The following TRPM4 variants were observed in gnomAD, a reference collection of about 807,000 sequenced individuals.
The protein encoded by TRPM4 is transient receptor potential cation channel subfamily M member 4, also known as calcium-activated non-selective cation channel 1.
In TRPM4, 124 loss-of-function variants were observed where a neutral mutation model predicts 135.6. The observed-to-expected ratio is 0.91, with a 90% CI of 0.79 to 1.06. TRPM4 has a LOEUF of 1.06. TRPM4 is among the 50% of genes least tolerant of loss of function. TRPM4 has a pLI of 0.00. For synonymous variants in TRPM4, 745 were observed against 705.6 expected (o/e 1.06, Z -0.88); for missense variants, 1,658 against 1,671.4 (o/e 0.99, Z 0.14).
At chr19:49,182,498 A>ATCCATCCG in intron 10 of TRPM4, 80 bp from the exon 11 acceptor site, 4 of 947,628 alleles carry the variant, frequency 4.2e-6, no homozygotes, top group Admixed American at 4.0e-5. Flanking sequence ...CCATCCATCC[A>ATCCATCCG]TCCGTCCCTC....
chr19:49,171,029 A>G lies in TRPM4; in HGVS notation c.797-328A>G, dbSNP rs377247359. On this transcript the variant is annotated intron_variant, in intron 6 of 24. Transcript: ENST00000252826. The surrounding 1 kb of genome is among the most constrained non-coding windows in gnomAD (Gnocchi z 4.7). ...TAGTGAGGTGTGATCATGCCCCTGCACTCTATCCTGGGCGATAGAGTGACA... is the reference window on the plus strand; with the variant it reads ...TAGTGAGGTGTGATCATGCCCCTGCGCTCTATCCTGGGCGATAGAGTGACA... 2.4e-4 allele frequency among the ~76,000 whole-genome samples: 36 copies of G among 151,878 alleles called. No individual in the cohort carries two copies. The highest frequency in any genetic ancestry group is 8.5e-4 in the African/African-American group (35 of 41,384).
chr19:49,203,704 T>C (rs1227638171), intron 20 of TRPM4, among the ~76,000 whole-genome samples: 1 of 152,220 alleles, frequency 6.6e-6, no homozygotes, highest in Non-Finnish European at 1.5e-5. Flanking sequence ...TAAGTGGAAT[T>C]ATGCGATATT....
At chr19:49,173,859 G>A (rs1262198862) in intron 9 of TRPM4, among the ~76,000 whole-genome samples, 1 of 151,582 alleles carries the variant, frequency 6.6e-6, no homozygotes, top group East Asian at 1.9e-4. Context: ...TTGTACAGAC[G>A]AGGTCTTGCT....
rs540990352 is a variant in TRPM4, at chr19:49,160,440, C to T, written c.92+2181C>T. ...CGGAGGCTACTATGAGCAGAGATCA[C>T]GTCACTGCACTCCAGCCTGGGTGAC... On this transcript the variant is annotated intron_variant, in intron 2 of 24. Coordinates refer to ENST00000252826, the MANE Select transcript of TRPM4 (RefSeq NM_017636.4). 6.8e-5 allele frequency among the ~76,000 whole-genome samples: 10 copies of T among 147,746 alleles called. No individual in the cohort carries two copies. In the East Asian group the frequency reaches 7.9e-4, roughly 12 times the overall value.
At chr19:49,189,227 TTC>T in intron 14 of TRPM4, 136 bp downstream of exon 14, 1 of 1,327,628 alleles carries the variant, frequency 7.5e-7, no homozygotes. Flanking sequence ...AAAGTCTCTC[TTC>T]TCTCTCAGAA....
chr19:49,196,132 A>T (rs911491815), intron 16 of TRPM4, among the ~76,000 whole-genome samples: 2 of 151,700 alleles, frequency 1.3e-5, no homozygotes, highest in African/African-American at 2.4e-5. Flanking sequence ...TGCTGCGATT[A>T]CAGGCGTGAG....
At chr19:49,164,205 TTTCTCTTTC>T (rs1476869940) in intron 2 of TRPM4, among the ~76,000 whole-genome samples, 1 of 135,914 alleles carries the variant, frequency 7.4e-6, no homozygotes, top group East Asian at 2.0e-4. Flanking sequence ...TCTTTCTTCC[TTTCTCTTTC>T]TTTTCTTTTC....
intron 6 of TRPM4, among the ~76,000 whole-genome samples, chr19:49,169,157 G>A (rs1278012162): frequency 6.6e-6 from 1 of 151,236 alleles, no homozygotes. Flanking sequence ...CCGAGATCAA[G>A]CCACTGCACT....
At position 49,188,684 on chromosome 19, in the gene TRPM4, T is replaced by C. The variant is rs946021556; in HGVS notation, c.1787T>C (p.Leu596Pro). Residue 596 changes from leucine (L) to proline (P), a missense_variant, in exon 13 of 25, where the codon CTC (leucine) becomes CCC (proline). Leu to Pro is a moderately conservative substitution (Grantham distance 98, BLOSUM62 -3). Transcript: ENST00000252826. ...TCAGCTCTTGGGGCCTGTTTGCTGC[T>C]CCGGGTGATGGCACGCCTGGAGCCT... ...VSSALGACLL[L>P]RVMARLEPDA... is the part of the protein sequence containing the mutation. 2.5e-6 allele frequency: 4 copies of C among 1,613,986 alleles called. No homozygotes were observed. The African/African-American group carries it at 4.0e-5, about 16-fold the overall frequency.
chr19:49,173,803 G>A (rs951846695), intron 9 of TRPM4, among the ~76,000 whole-genome samples: 2 of 151,658 alleles, frequency 1.3e-5, no homozygotes, highest in African/African-American at 2.4e-5. Context: ...GAACATACCC[G>A]CCCACCACTA....
chr19:49,183,308 C>A lies in TRPM4; in HGVS notation c.1743+96C>A. The A allele has an allele frequency of 2.6e-6, 4 of 1,538,476 alleles. No homozygotes were observed. In the East Asian group the frequency reaches 9.1e-5, roughly 35 times the overall value. ...TACCATACAATTCCCCGACCCCTGACGTCACCTGACAGGCGCCCCATCCTC... is the reference window on the plus strand; with the variant it reads ...TACCATACAATTCCCCGACCCCTGAAGTCACCTGACAGGCGCCCCATCCTC... On this transcript the variant is annotated intron_variant, in intron 12 of 24. Coordinates refer to ENST00000252826, the MANE Select transcript of TRPM4 (RefSeq NM_017636.4).
chr19:49,158,260 G>A lies in TRPM4; in HGVS notation c.92+1G>A. On this transcript the variant is annotated splice_donor_variant, in intron 2 of 24. Transcript: ENST00000252826. LOFTEE classifies it high-confidence loss of function. ...TCATAGTTGACTCCACAGATCCGGG[G>A]TGAGGAGTTCGCCCCTGGACTGACC... 1.2e-6 allele frequency: 2 copies of A among 1,613,760 alleles called. No homozygotes were observed. Among genetic ancestry groups the A allele is most frequent in the Non-Finnish European group, 1.7e-6 (2 of 1,179,872 alleles).
At chr19:49,169,947 T>A (rs1034972428) in intron 6 of TRPM4, among the ~76,000 whole-genome samples, 5 of 152,214 alleles carry the variant, frequency 3.3e-5, no homozygotes, top group African/African-American at 4.8e-5. Context: ...TTTTCTTGTA[T>A]CAATCCTCTT....
At chr19:49,202,195 C>T (rs1422675606) in intron 20 of TRPM4, 54 bp downstream of exon 20, 16 of 1,589,304 alleles carry the variant, frequency 1.0e-5, no homozygotes, top group Non-Finnish European at 1.4e-5. Context: ...CCGTGGCCCT[C>T]TCATGACTCT....
chr19:49,180,619 ACC>A (rs1486489363), intron 9 of TRPM4, among the ~76,000 whole-genome samples: 1 of 151,258 alleles, frequency 6.6e-6, no homozygotes, highest in East Asian at 1.9e-4. Context: ...GCCACTCTAT[ACC>A]TCTGTGACCA....
chr19:49,198,040 A>G (rs1968764439), intron 17 of TRPM4, among the ~76,000 whole-genome samples: 1 of 152,088 alleles, frequency 6.6e-6, no homozygotes, highest in African/African-American at 2.4e-5. Flanking sequence ...AATGGTTGAC[A>G]GTGATGACAG....
chr19:49,200,598 C>T lies in TRPM4; in HGVS notation c.2779-13C>T, dbSNP rs200088533. 1.2e-6 allele frequency: 2 copies of T among 1,611,430 alleles called. No homozygotes were observed. The highest frequency in any genetic ancestry group is 1.3e-5 in the African/African-American group (1 of 74,906). On this transcript the variant is annotated splice_polypyrimidine_tract_variant and intron_variant, in intron 18 of 24. Coordinates refer to ENST00000252826, the MANE Select transcript of TRPM4 (RefSeq NM_017636.4). ...GAAAGGGCGGGGCCAGACTCAGCCA[C>T]ATCTCCCCACAGATGAAGGACGTGT...
chr19:49,171,754 G>A lies in TRPM4; in HGVS notation c.1035G>A (p.Glu345=). ...GTTTCTTTCCCAAAGGGGACCTTGA[G>A]GTCCTGCAGGCCCAGGTATGACACT... ...IRRFFPKGDL[E]VLQAQVERIM... The change falls in exon 8 of 25, where the codon GAG becomes GAA. Residue 345 remains glutamate, a synonymous_variant. Transcript: ENST00000252826. The surrounding 1 kb of genome is among the most constrained non-coding windows in gnomAD (Gnocchi z 4.7). 6.2e-7 allele frequency: 1 copy of A among 1,610,618 alleles called. No individual in the cohort carries two copies. Among genetic ancestry groups the A allele is most frequent in the Non-Finnish European group, 8.5e-7 (1 of 1,179,816 alleles).
In TRPM4 at chr19:49,182,667, G is replaced by A. The variant is rs1157113779; in HGVS notation, c.1353G>A (p.Leu451=). 1.9e-6 allele frequency: 3 copies of A among 1,614,062 alleles called. No individual in the cohort carries two copies. The highest frequency in any genetic ancestry group is 2.7e-5 in the African/African-American group (2 of 74,946). ...VRLLISHGLS[L]GHFLTPMRLA... ...TGCTCATTTCCCACGGCCTCAGCCT[G>A]GGCCACTTCCTGACCCCGATGCGCC... Residue 451 remains leucine, a synonymous_variant, in exon 11 of 25, where the codon CTG becomes CTA. Coordinates refer to ENST00000252826, the MANE Select transcript of TRPM4 (RefSeq NM_017636.4).
Sources: gnomAD v4.1 joint callset for allele counts (sites outside exome capture counted in the v4.1 genomes callset) on GRCh38, gnomAD v4.1.1 for gene constraint, Gnocchi (gnomAD v3.1) non-coding constraint, MANE v1.5 for transcripts, NCBI Gene and HGNC (gene_info 2026-07-23, HGNC 2026-07-21) for gene names.